Variants in ADK observed in about 807,000 individuals in gnomAD.
ADK encodes adenosine kinase, also known as N6,N6-dimethyladenosine kinase.
Under a neutral mutation model 44.7 loss-of-function variants are expected in ADK, and 24 were observed. That is an observed-to-expected ratio of 0.54 (90% CI 0.39 to 0.76). The LOEUF (loss-of-function observed/expected upper bound fraction) is 0.76, where lower values mean the gene tolerates loss of function less well. ADK is among the 30% of genes least tolerant of loss of function. The pLI, the probability that ADK is intolerant of heterozygous loss-of-function variation, is 0.00. For synonymous variants in ADK, 128 were observed against 142.6 expected, an observed-to-expected ratio of 0.90 and a Z score of 0.73; for missense variants, 321 against 425.1, an observed-to-expected ratio of 0.76 and a Z score of 2.15.
intron 3 of ADK, among the ~76,000 whole-genome samples, chr10:74,291,805 A>T (rs1179844651): frequency 1.3e-5 from 2 of 151,062 alleles, no homozygotes; most frequent in Non-Finnish European, 2.9e-5. Context: ...CCTTTGTATT[A>T]TGTGTATCAT....
chr10:74,523,159 G>T (rs1289884093), intron 6 of ADK, among the ~76,000 whole-genome samples: 1 of 152,098 alleles, frequency 6.6e-6, no homozygotes, highest in Non-Finnish European at 1.5e-5. Context: ...TAGGTTTGAT[G>T]TAAGGAAAAA....
At chr10:74,688,381 G>C (rs956417204) in intron 10 of ADK, among the ~76,000 whole-genome samples, 1 of 152,120 alleles carries the variant, frequency 6.6e-6, no homozygotes, top group African/African-American at 2.4e-5. Context: ...TTATTTACCA[G>C]CGTATCCCCG....
chr10:74,177,755 C>T (rs1200569212), intron 1 of ADK, among the ~76,000 whole-genome samples: 1 of 151,874 alleles, frequency 6.6e-6, no homozygotes, highest in Admixed American at 6.6e-5. Context: ...ATAAAATAAG[C>T]TCATTTTTGG....
rs189646840 is a variant in ADK at position 74,398,525 on chromosome 10, T to A, written c.501T>A (p.Leu167=). The change falls in exon 6 of 11, where the codon CTT becomes CTA. Residue 167 remains leucine (L), a synonymous_variant. Transcript: ENST00000539909. ...ATTGTTATAAAAAGGAAAAACATCTTGATCTGGAGAAAAACTGGATGTTGG... is the reference window on the plus strand; with the variant it reads ...ATTGTTATAAAAAGGAAAAACATCTAGATCTGGAGAAAAACTGGATGTTGG... The part of the protein sequence containing the change: ...AANCYKKEKH[L]DLEKNWMLVE... The A allele has an allele frequency of 7.4e-6, 12 of 1,611,816 alleles. No homozygotes were observed. In the African/African-American group the frequency reaches 1.6e-4, roughly 22 times the overall value.
intron 6 of ADK, among the ~76,000 whole-genome samples, chr10:74,456,728 A>T (rs1845962683): frequency 6.6e-6 from 1 of 151,900 alleles, no homozygotes; most frequent in Non-Finnish European, 1.5e-5. Flanking sequence ...TCCTGAATGA[A>T]TATTAGGTAA....
chr10:74,194,444 A>G (rs1843052195), intron 1 of ADK, among the ~76,000 whole-genome samples: 1 of 152,170 alleles, frequency 6.6e-6, no homozygotes, highest in Non-Finnish European at 1.5e-5. Flanking sequence ...TTTTATGAAT[A>G]ATGGCATCTT....
intron 6 of ADK, among the ~76,000 whole-genome samples, chr10:74,512,906 T>C (rs1848400455): frequency 6.6e-6 from 1 of 152,078 alleles, no homozygotes; most frequent in Non-Finnish European, 1.5e-5. Flanking sequence ...TCCTATAAAC[T>C]TGACTCTGAA....
rs552712915 is a variant in ADK, at chr10:74,549,897, A to G, written c.726+24471A>G. On this transcript the variant is annotated intron_variant, in intron 7 of 10. Coordinates refer to ENST00000539909, the MANE Select transcript of ADK (RefSeq NM_006721.4). ...CTATAGATATGCCATGAGCACATAA[A>G]AGACGATTTCCTGATTCTTTGACCC... 2.0e-5 allele frequency among the ~76,000 whole-genome samples: 3 copies of G among 152,266 alleles called. No homozygotes were observed. The South Asian group carries it at 6.2e-4, about 32-fold the overall frequency.
At chr10:74,531,686 A>G (rs1218397570) in intron 7 of ADK, among the ~76,000 whole-genome samples, 1 of 152,048 alleles carries the variant, frequency 6.6e-6, no homozygotes, top group Admixed American at 6.5e-5. Flanking sequence ...GGTGCAAACC[A>G]CCACAGCTGG....
intron 6 of ADK, chr10:74,506,730 A>G (rs368416851): frequency 6.6e-6 from 1 of 152,236 alleles, no homozygotes; most frequent in African/African-American, 2.4e-5. Context: ...GCTGCCGTGT[A>G]TGGTCTGTAA....
intron 1 of ADK, among the ~76,000 whole-genome samples, chr10:74,168,904 C>T (rs1842098130): frequency 6.6e-6 from 1 of 152,078 alleles, no homozygotes; most frequent in Non-Finnish European, 1.5e-5. Context: ...AGCCACCGTG[C>T]CTTGCCAAAA....
intron 9 of ADK, chr10:74,655,745 C>G (rs1438781050): frequency 4.1e-6 from 2 of 488,222 alleles, no homozygotes; most frequent in Admixed American, 2.5e-5. Flanking sequence ...TGCTGTTCCT[C>G]CAGTTGCCAG....
At chr10:74,226,936 T>C (rs1206806559) in intron 3 of ADK, among the ~76,000 whole-genome samples, 1 of 152,184 alleles carries the variant, frequency 6.6e-6, no homozygotes, top group Non-Finnish European at 1.5e-5. Flanking sequence ...AAACTTTCAG[T>C]TGAATATGGC....
chr10:74,437,607 G>A (rs908340261), intron 6 of ADK, among the ~76,000 whole-genome samples: 1 of 152,096 alleles, frequency 6.6e-6, no homozygotes, highest in African/African-American at 2.4e-5. Flanking sequence ...TTCTATTACA[G>A]ACCATTAGTA....
At chr10:74,300,047 G>A (rs1051326597) in intron 3 of ADK, among the ~76,000 whole-genome samples, 3 of 149,492 alleles carry the variant, frequency 2.0e-5, no homozygotes, top group Admixed American at 1.3e-4. Flanking sequence ...CTTCTTCTTC[G>A]TCTTCTTTTT....
At chr10:74,207,834 C>A (rs1037289112) in intron 2 of ADK, among the ~76,000 whole-genome samples, 10 of 152,174 alleles carry the variant, frequency 6.6e-5, no homozygotes, top group Non-Finnish European at 1.5e-4. Flanking sequence ...TTCACCTGAA[C>A]CCACCCCTTT....
intron 4 of ADK, among the ~76,000 whole-genome samples, chr10:74,374,695 G>A (rs771405336): frequency 6.6e-6 from 1 of 151,990 alleles, no homozygotes; most frequent in Non-Finnish European, 1.5e-5. Context: ...ATGCTATTAT[G>A]GACCCCATCT....
At chr10:74,495,782 G>A (rs980428182) in intron 6 of ADK, among the ~76,000 whole-genome samples, 1 of 152,048 alleles carries the variant, frequency 6.6e-6, no homozygotes, top group African/African-American at 2.4e-5. Flanking sequence ...GTGGGAATGG[G>A]GTCTGAAAGT....
intron 9 of ADK, among the ~76,000 whole-genome samples, chr10:74,656,910 G>T (rs1372587658): frequency 1.3e-5 from 2 of 151,964 alleles, no homozygotes; most frequent in African/African-American, 4.8e-5. Flanking sequence ...CCTAGGCTGG[G>T]GTGCGGTGGC....
Sources: gnomAD v4.1 joint callset for allele counts (sites outside exome capture counted in the v4.1 genomes callset) on GRCh38, gnomAD v4.1.1 for gene constraint, MANE v1.5 for transcripts, NCBI Gene and HGNC (gene_info 2026-07-23, HGNC 2026-07-21) for gene names.